Variants in SLC16A10 observed in about 807,000 individuals in gnomAD.
The protein encoded by SLC16A10 is monocarboxylate transporter 10.
In SLC16A10, 27 loss-of-function variants were observed where a neutral mutation model predicts 40.0. The ratio of observed to expected loss-of-function variants is 0.67; its 90% CI spans 0.50 to 0.93. SLC16A10 has a LOEUF of 0.93. SLC16A10 is among the 40% of genes least tolerant of loss of function. SLC16A10 has a pLI of 0.00. For missense variants in SLC16A10, 529 were observed against 658.2 expected (o/e 0.80, Z 2.15); for synonymous variants, 213 against 249.8 (o/e 0.85, Z 1.39).
intron 1 of SLC16A10, among the ~76,000 whole-genome samples, chr6:111,116,886 G>A (rs1434865851): frequency 6.6e-6 from 1 of 152,154 alleles, no homozygotes; most frequent in Non-Finnish European, 1.5e-5. Flanking sequence ...AAGGATGGGG[G>A]ATACTAGAAA....
At chr6:111,123,953 C>T (rs1259437334) in intron 1 of SLC16A10, among the ~76,000 whole-genome samples, 1 of 152,146 alleles carries the variant, frequency 6.6e-6, no homozygotes, top group Non-Finnish European at 1.5e-5. Context: ...GAGGGTCAAT[C>T]CTGGATCAGA....
At chr6:111,209,460 T>G (rs544994193) in intron 4 of SLC16A10, among the ~76,000 whole-genome samples, 1 of 151,936 alleles carries the variant, frequency 6.6e-6, no homozygotes, top group African/African-American at 2.4e-5. Context: ...TGAATTGGGG[T>G]TTTTTAAATT....
intron 3 of SLC16A10, among the ~76,000 whole-genome samples, chr6:111,179,205 T>C (rs1041978320): frequency 2.6e-5 from 4 of 152,168 alleles, no homozygotes; most frequent in Admixed American, 1.3e-4. Context: ...ATACTAGACA[T>C]TTACCAAAGG....
intron 1 of SLC16A10, among the ~76,000 whole-genome samples, chr6:111,133,574 T>G (rs1771823954): frequency 6.6e-6 from 1 of 152,182 alleles, no homozygotes; most frequent in South Asian, 2.1e-4. Context: ...CTAGACCTCT[T>G]TTGTAGAAAA....
At chr6:111,212,374 G>C (rs1773358816) in intron 4 of SLC16A10, among the ~76,000 whole-genome samples, 3 of 152,190 alleles carry the variant, frequency 2.0e-5, no homozygotes, top group African/African-American at 7.2e-5. Context: ...GTCTAATCCT[G>C]AATTAGAGTC....
intron 3 of SLC16A10, among the ~76,000 whole-genome samples, chr6:111,183,386 G>C (rs887642153): frequency 3.3e-5 from 5 of 152,208 alleles, no homozygotes; most frequent in Admixed American, 2.6e-4. Flanking sequence ...TTACACGTCT[G>C]CTAGAATGTA....
At chr6:111,137,862 A>G (rs1024449557) in intron 1 of SLC16A10, among the ~76,000 whole-genome samples, 4 of 152,248 alleles carry the variant, frequency 2.6e-5, no homozygotes, top group African/African-American at 9.6e-5. Flanking sequence ...ACACCCGACC[A>G]ATGAGGTAGT....
intron 1 of SLC16A10, among the ~76,000 whole-genome samples, chr6:111,140,192 A>G (rs894294493): frequency 3.3e-5 from 5 of 152,202 alleles, no homozygotes; most frequent in African/African-American, 1.2e-4. Flanking sequence ...CCAGGCATAG[A>G]GGCTAATTGC....
At chr6:111,182,296 T>A (rs1772808073) in intron 3 of SLC16A10, among the ~76,000 whole-genome samples, 1 of 147,902 alleles carries the variant, frequency 6.8e-6, no homozygotes. Flanking sequence ...CCACCACGCC[T>A]GGCCTCTGGG....
intron 1 of SLC16A10, among the ~76,000 whole-genome samples, chr6:111,091,709 C>T (rs1770978406): frequency 6.6e-6 from 1 of 151,886 alleles, no homozygotes; most frequent in Non-Finnish European, 1.5e-5. Flanking sequence ...CTTCAGGGCT[C>T]TGTTAACTCT....
rs1387163987 is a variant in SLC16A10 at position 111,177,638 on chromosome 6, T to G, written c.915T>G (p.Phe305Leu). ...VWAVGIPLAL[F>L]GYFVPYVHLM... ...CAGTTGGAATACCACTTGCACTTTTTGGATACTTTGTGCCTTATGTTCACT... is the reference window on the plus strand; with the variant it reads ...CAGTTGGAATACCACTTGCACTTTTGGGATACTTTGTGCCTTATGTTCACT... Residue 305 changes from phenylalanine to leucine, a missense_variant, in exon 3 of 6, where the codon TTT becomes TTG. By Grantham distance (22) the Phe-to-Leu change is conservative (BLOSUM62 0). Transcript: ENST00000368851. 6.4e-7 allele frequency: 1 copy of G among 1,569,742 alleles called. No individual in the cohort carries two copies. Among genetic ancestry groups the G allele is most frequent in the South Asian group, 1.2e-5 (1 of 83,250 alleles).
intron 1 of SLC16A10, among the ~76,000 whole-genome samples, chr6:111,171,421 G>A (rs1219290152): frequency 6.6e-6 from 1 of 152,258 alleles, no homozygotes; most frequent in African/African-American, 2.4e-5. Context: ...AGAGGCCAAG[G>A]TGGGAGGATT....
At chr6:111,157,401 A>C (rs1180276157) in intron 1 of SLC16A10, among the ~76,000 whole-genome samples, 2 of 152,054 alleles carry the variant, frequency 1.3e-5, no homozygotes, top group Non-Finnish European at 2.9e-5. Context: ...CTCCTGCCTC[A>C]GCCTCCTGAG....
chr6:111,216,736 G>A (rs757278984), intron 4 of SLC16A10, among the ~76,000 whole-genome samples: 4 of 152,024 alleles, frequency 2.6e-5, no homozygotes, highest in African/African-American at 7.2e-5. Context: ...ATTCCTAAAC[G>A]AATCATAATT....
In SLC16A10 at chr6:111,172,690, T is replaced by C. The variant is rs1021568508; in HGVS notation, c.344-5T>C. 6.2e-7 allele frequency: 1 copy of C among 1,611,236 alleles called. No homozygotes were observed. Among genetic ancestry groups the C allele is most frequent in the Admixed American group, 1.7e-5 (1 of 59,946 alleles). ...ATTCCCCCCACGCTTTCCCTTCTTT[T>C]ACAGCATGGGTAGGTTCTCTCTCCA... On this transcript the variant is annotated splice_polypyrimidine_tract_variant and splice_region_variant and intron_variant, in intron 1 of 5. Coordinates refer to ENST00000368851, the MANE Select transcript of SLC16A10 (RefSeq NM_018593.5).
At chr6:111,219,166 T>A (rs1433147223) in intron 5 of SLC16A10, 124 bp downstream of exon 5, 1 of 893,922 alleles carries the variant, frequency 1.1e-6, no homozygotes, top group East Asian at 2.6e-5. Flanking sequence ...TTTGCTTTTA[T>A]GTGTGCCTTA....
chr6:111,171,815 CAAAAA>C (rs11396709), intron 1 of SLC16A10, among the ~76,000 whole-genome samples: 1 of 86,074 alleles, frequency 1.2e-5, no homozygotes, highest in South Asian at 4.4e-4. Context: ...GACCTTTTCT[CAAAAA>C]AAAAAAAAAA....
At chr6:111,123,551 A>G (rs1481075805) in intron 1 of SLC16A10, among the ~76,000 whole-genome samples, 1 of 152,202 alleles carries the variant, frequency 6.6e-6, no homozygotes, top group Non-Finnish European at 1.5e-5. Flanking sequence ...GGCAAGACCT[A>G]CTGGCTAAGA....
At chr6:111,154,372 T>G (rs1772230052) in intron 1 of SLC16A10, among the ~76,000 whole-genome samples, 1 of 152,148 alleles carries the variant, frequency 6.6e-6, no homozygotes, top group Admixed American at 6.5e-5. Context: ...ATGAAAAATA[T>G]GACATAGTAT....
Sources: allele counts gnomAD v4.1 joint callset (sites outside exome capture counted in the v4.1 genomes callset), GRCh38; gene constraint gnomAD v4.1.1; transcripts MANE v1.5; gene names NCBI Gene and HGNC (gene_info 2026-07-23, HGNC 2026-07-21).